Variants in CDC14A observed in about 807,000 individuals in gnomAD.
The protein encoded by CDC14A is dual specificity protein phosphatase CDC14A.
In CDC14A, 53 loss-of-function variants were observed where a neutral mutation model predicts 74.4. That is an observed-to-expected ratio of 0.71 (90% CI 0.57 to 0.89). The LOEUF (loss-of-function observed/expected upper bound fraction) is 0.89. CDC14A is among the 40% of genes least tolerant of loss of function. The probability of loss-of-function intolerance (pLI) is 0.00; values close to 1 mark genes in which losing one functional copy is unlikely to be tolerated. For synonymous variants in CDC14A, 247 were observed against 258.4 expected (o/e 0.96, Z 0.43); for missense variants, 646 against 713.7 (o/e 0.91, Z 1.08).
At chr1:100,443,502 A>AT (rs758252074) in intron 7 of CDC14A, among the ~76,000 whole-genome samples, 2,823 of 142,106 alleles carry the variant, frequency 0.02, 92 homozygotes, top group African/African-American at 0.066. Flanking sequence ...TGTCTGGCTA[A>AT]TTTTTTTTTT....
At chr1:100,350,162 C>T (rs1650805578), upstream of CDC14A, among the ~76,000 whole-genome samples, 1 of 152,128 alleles carries the variant, frequency 6.6e-6, no homozygotes. Flanking sequence ...ACCATGTTGG[C>T]CAGGCTGGTC....
At chr1:100,475,785 C>T (rs987414297) in intron 10 of CDC14A, among the ~76,000 whole-genome samples, 1 of 152,126 alleles carries the variant, frequency 6.6e-6, no homozygotes, top group African/African-American at 2.4e-5. Flanking sequence ...CCTGTGACAC[C>T]ACTCCAGCTG....
rs1650473130 is a variant in CDC14A, at chr1:100,519,143, G to C, written c.*863G>C. ...TTTTTTTTCCTTCCTCCTTTCAAAA[G>C]AGTTCTTAACCCAATTAGGATATCC... is the stretch of plus-strand genomic sequence containing the variant. On this transcript the variant is annotated 3_prime_UTR_variant, in exon 16 of 16. Transcript: ENST00000336454. 1 of 151,888 alleles carries C rather than the reference G, an allele frequency of 6.6e-6. No individual in the cohort carries two copies. The highest frequency in any genetic ancestry group is 6.6e-5 in the Admixed American group (1 of 15,236). 9.4% of individuals were successfully genotyped at this position (151,888 alleles called of 1,614,324 possible). A position where few individuals can be genotyped will look rare whatever the true frequency, so the allele number is the denominator to read the frequency against.
chr1:100,489,197 GA>G (rs1456218571), intron 11 of CDC14A, among the ~76,000 whole-genome samples: 3 of 152,144 alleles, frequency 2.0e-5, no homozygotes, highest in African/African-American at 7.2e-5. Flanking sequence ...GAGCTGAAAA[GA>G]ACTCTAGAGA....
chr1:100,497,483 T>C (rs1648023556), intron 13 of CDC14A, among the ~76,000 whole-genome samples: 1 of 152,094 alleles, frequency 6.6e-6, no homozygotes, highest in Non-Finnish European at 1.5e-5. Flanking sequence ...AAAGATGAAA[T>C]GATTTAAACA....
chr1:100,507,466 C>A (rs11166465), intron 15 of CDC14A, among the ~76,000 whole-genome samples: 133,496 of 151,914 alleles, frequency 0.88, 60,948 homozygotes, highest in Non-Finnish European at 1. Context: ...AGCCATCATT[C>A]TTCTTTTTTT....
chr1:100,448,537 G>A (rs1236619162), intron 7 of CDC14A, among the ~76,000 whole-genome samples: 1 of 152,208 alleles, frequency 6.6e-6, no homozygotes, highest in African/African-American at 2.4e-5. Flanking sequence ...GGCATATGGA[G>A]AAAATGATAA....
chr1:100,476,427 G>A (rs954053464), intron 10 of CDC14A, among the ~76,000 whole-genome samples: 4 of 151,976 alleles, frequency 2.6e-5, no homozygotes, highest in Non-Finnish European at 5.9e-5. Context: ...CAGCCTGGGC[G>A]ACACAGCAGG....
At chr1:100,375,293 C>G (rs1655083226) in intron 2 of CDC14A, among the ~76,000 whole-genome samples, 1 of 152,152 alleles carries the variant, frequency 6.6e-6, no homozygotes, top group African/African-American at 2.4e-5. Context: ...TGGGACCTCT[C>G]AGGAGATAAG....
At chr1:100,510,096 CAT>C (rs1189690677) in intron 15 of CDC14A, among the ~76,000 whole-genome samples, 8 of 152,164 alleles carry the variant, frequency 5.3e-5, no homozygotes, top group Admixed American at 6.5e-5. Flanking sequence ...CAAGGATACT[CAT>C]ATCGTTTTGT....
At chr1:100,415,166 G>A (rs894853568) in intron 4 of CDC14A, among the ~76,000 whole-genome samples, 7 of 152,120 alleles carry the variant, frequency 4.6e-5, no homozygotes, top group African/African-American at 1.4e-4. Context: ...AATATTGTCT[G>A]CCATTCTCCC....
At chr1:100,426,699 T>C (rs929128687) in intron 5 of CDC14A, among the ~76,000 whole-genome samples, 1 of 152,244 alleles carries the variant, frequency 6.6e-6, no homozygotes, top group African/African-American at 2.4e-5. Context: ...CTGGTATTAG[T>C]TGATTTGATA....
chr1:100,353,610 T>TCTC (rs1651452571), intron 1 of CDC14A, 152 bp from the exon 2 acceptor site: 6 of 590,554 alleles, frequency 1.0e-5, no homozygotes, highest in Non-Finnish European at 1.5e-5. Flanking sequence ...TGCTCTTGAG[T>TCTC]CTCTAGCTTT....
At chr1:100,455,172 A>C (rs576643990) in intron 7 of CDC14A, among the ~76,000 whole-genome samples, 1 of 152,310 alleles carries the variant, frequency 6.6e-6, no homozygotes, top group East Asian at 1.9e-4. Flanking sequence ...CTCTGCCGTA[A>C]ATAAAAGTTT....
intron 4 of CDC14A, among the ~76,000 whole-genome samples, chr1:100,406,822 A>C (rs1660002953): frequency 1.3e-5 from 2 of 151,738 alleles, no homozygotes; most frequent in Admixed American, 1.3e-4. Flanking sequence ...GCTTCTCAGG[A>C]GGCTGAGGCA....
chr1:100,390,951 TG>T, intron 4 of CDC14A, 127 bp downstream of exon 4: 1 of 717,940 alleles, frequency 1.4e-6, no homozygotes, highest in East Asian at 2.7e-5. Context: ...GTTTGGGAAT[TG>T]ATCTGTAGTG....
intron 1 of CDC14A, among the ~76,000 whole-genome samples, chr1:100,353,372 T>C (rs1651400155): frequency 6.6e-6 from 1 of 151,678 alleles, no homozygotes; most frequent in Non-Finnish European, 1.5e-5. Context: ...CCCCCAAGTC[T>C]CTCTCCCTTC....
rs116565554 is a variant in CDC14A at position 100,457,239 on chromosome 1, A to C, written c.607+1747A>C. 7.7e-3 allele frequency among the ~76,000 whole-genome samples: 1,167 copies of C among 152,320 alleles called. 23 individuals are homozygous for C. The highest frequency in any genetic ancestry group is 0.026 in the African/African-American group (1,089 of 41,552). On this transcript the variant is annotated intron_variant, in intron 8 of 15. Coordinates refer to ENST00000336454, the MANE Select transcript of CDC14A (RefSeq NM_003672.4). ...TTTAAAAGTTTTTATGTATATAGACATTGTATATTCTATGGATACATGCAT... is the reference window on the plus strand; with the variant it reads ...TTTAAAAGTTTTTATGTATATAGACCTTGTATATTCTATGGATACATGCAT...
chr1:100,518,198 G>C (rs1461854095), intron 15 of CDC14A, 53 bp from the exon 16 acceptor site: 3 of 1,441,258 alleles, frequency 2.1e-6, no homozygotes, highest in Admixed American at 1.7e-5. Context: ...TGACTTGCTA[G>C]AAGTTTTACA....
Sources: allele counts gnomAD v4.1 joint callset (sites outside exome capture counted in the v4.1 genomes callset), GRCh38; gene constraint gnomAD v4.1.1; transcripts MANE v1.5; gene names NCBI Gene and HGNC (gene_info 2026-07-23, HGNC 2026-07-21).